Variants in MTCL1 observed in about 807,000 individuals in gnomAD.
MTCL1 encodes microtubule crosslinking factor 1, also known as microtubule cross-linking factor 1.
A neutral mutation model predicts 141.4 loss-of-function variants in MTCL1; 79 were observed. The observed-to-expected ratio is 0.56, with a 90% CI of 0.47 to 0.67. The LOEUF (loss-of-function observed/expected upper bound fraction) is 0.67. Ranked by LOEUF, MTCL1 falls within the 30% of genes least tolerant of loss-of-function variation. The pLI, the probability that MTCL1 is intolerant of heterozygous loss-of-function variation, is 0.00. For missense variants in MTCL1, 2,177 were observed against 2,113.9 expected, an observed-to-expected ratio of 1.03 and a Z score of -0.59; for synonymous variants, 914 against 875.8, an observed-to-expected ratio of 1.04 and a Z score of -0.77.
At chr18:8,780,463 C>T (rs1189802299) in intron 5 of MTCL1, among the ~76,000 whole-genome samples, 2 of 152,242 alleles carry the variant, frequency 1.3e-5, no homozygotes, top group East Asian at 3.9e-4. Context: ...GAGAGTGGGG[C>T]TGAGTTTCCT....
chr18:8,828,313 A>G lies in MTCL1; in HGVS notation c.4723-595A>G, dbSNP rs2077089047. Among the ~76,000 whole-genome samples the G allele has an allele frequency of 6.6e-6, 1 of 152,152 alleles. No individual in the cohort carries two copies. Reference sequence around the variant, plus strand: ...CCCTTTCTCACTGCACTGTCATCCCATAAGCCACTCGGGCCTCTTTTTCTC... The same window carrying G: ...CCCTTTCTCACTGCACTGTCATCCCGTAAGCCACTCGGGCCTCTTTTTCTC... On this transcript the variant is annotated intron_variant, in intron 15 of 16. Transcript: ENST00000359865. The surrounding 1 kb of genome is among the most constrained non-coding windows in gnomAD (Gnocchi z 5.2).
In MTCL1 at chr18:8,718,106, A is replaced by G. The variant is rs936073730; in HGVS notation, c.-28+144A>G. The G allele has an allele frequency of 6.0e-6, 4 of 671,864 alleles. No individual in the cohort carries two copies. In the African/African-American group the frequency reaches 7.2e-5, roughly 12 times the overall value. The allele number at this position is 671,864 out of a possible 1,614,324, so 41.6% of individuals were successfully genotyped here. A position where few individuals can be genotyped will look rare whatever the true frequency, so the allele number is the denominator to read the frequency against. ...AGGTCAATGTTTGGTTTGAATTGAA[A>G]GGTTCAATTATCTGCAGAGTTGATT... On this transcript the variant is annotated intron_variant, in intron 2 of 16. Coordinates refer to ENST00000359865, the Ensembl canonical transcript of MTCL1.
At chr18:8,710,462 T>C (rs909211497) in intron 1 of MTCL1, among the ~76,000 whole-genome samples, 4 of 88,934 alleles carry the variant, frequency 4.5e-5, no homozygotes, top group East Asian at 6.2e-4. Context: ...ACTTTCTTTT[T>C]TTTTTTTTTT....
In MTCL1 at chr18:8,798,303, G is replaced by A. The variant is rs373260762; in HGVS notation, c.2436+12G>A. 1.3e-5 allele frequency: 19 copies of A among 1,500,468 alleles called. No individual in the cohort carries two copies. The East Asian group carries it at 2.1e-4, about 16-fold the overall frequency. 92.9% of individuals were successfully genotyped at this position (1,500,468 alleles called of 1,614,324 possible). ...AGCCCCACAAACAGGTGGGTACCTCGACCCGAGCCTGTCGCCCTGCCCACA... is the reference window on the plus strand; with the variant it reads ...AGCCCCACAAACAGGTGGGTACCTCAACCCGAGCCTGTCGCCCTGCCCACA... On this transcript the variant is annotated intron_variant, in intron 10 of 16. Coordinates refer to ENST00000359865, the Ensembl canonical transcript of MTCL1.
At chr18:8,756,377 A>G (rs1313468765) in intron 4 of MTCL1, among the ~76,000 whole-genome samples, 2 of 147,112 alleles carry the variant, frequency 1.4e-5, no homozygotes, top group African/African-American at 2.7e-5. Flanking sequence ...ATGTGTATAT[A>G]TGTATATATG....
rs752731090 is a variant in MTCL1 at position 8,784,238 on chromosome 18, G to A, written c.1126G>A (p.Gly376Arg). The stretch of plus-strand genomic sequence containing the variant: ...GCGCTGCGACCTGGCAGCCCACCTG[G>A]GGCTGCGTGCCCCCAGTCCCCGGGA... Residue 376 changes from glycine to arginine, a missense_variant, in exon 6 of 17, where the codon GGG (glycine) becomes AGG (arginine). Physicochemically the swap from Gly to Arg is moderately radical, Grantham distance 125. Coordinates refer to ENST00000359865, the Ensembl canonical transcript of MTCL1. The A allele has an allele frequency of 2.5e-6, 4 of 1,608,894 alleles. No homozygotes were observed. The South Asian group carries it at 3.3e-5, about 13-fold the overall frequency.
exon 6 of MTCL1, chr18:8,784,147 C>A: frequency 6.2e-7 from 1 of 1,613,704 alleles, no homozygotes; most frequent in Admixed American, 1.7e-5. Context: ...GGCTGCAGAT[C>A]AGCGAGCTCA....
At chr18:8,758,878 T>C (rs998041532) in intron 4 of MTCL1, among the ~76,000 whole-genome samples, 1 of 152,206 alleles carries the variant, frequency 6.6e-6, no homozygotes, top group South Asian at 2.1e-4. Context: ...GGACCAAATA[T>C]ACCTATCTTG....
intron 10 of MTCL1, among the ~76,000 whole-genome samples, chr18:8,798,954 G>A (rs1030948203): frequency 4.6e-5 from 7 of 152,338 alleles, no homozygotes; most frequent in Admixed American, 2.6e-4. Flanking sequence ...TGTTAACGCT[G>A]TCTCGCTCTC....
At chr18:8,742,871 A>G (rs1473845145) in intron 4 of MTCL1, among the ~76,000 whole-genome samples, 1 of 152,250 alleles carries the variant, frequency 6.6e-6, no homozygotes, top group East Asian at 1.9e-4. Context: ...TGACACCAAT[A>G]ATATGACTAC....
chr18:8,813,779 C>A (rs372279905), intron 12 of MTCL1, among the ~76,000 whole-genome samples: 2 of 152,234 alleles, frequency 1.3e-5, no homozygotes, highest in South Asian at 4.2e-4. Context: ...TAGCTGGTAG[C>A]TCATCATCTT....
chr18:8,809,692 G>A, intron 11 of MTCL1: 1 of 1,390,550 alleles, frequency 7.2e-7, no homozygotes, highest in Non-Finnish European at 9.6e-7. Context: ...TGGAGCAACA[G>A]GCACCTCGCA....
intron 14 of MTCL1, 24 bp from the exon 14 acceptor site, chr18:8,824,675 C>A (rs1365470235): frequency 6.3e-7 from 1 of 1,583,008 alleles, no homozygotes; most frequent in Non-Finnish European, 8.6e-7. Flanking sequence ...CAGGTACTGA[C>A]ACCCTCTTTT....
chr18:8,718,069 A>C (rs1197038548), intron 2 of MTCL1: 2 of 750,996 alleles, frequency 2.7e-6, no homozygotes, highest in East Asian at 9.7e-5. Context: ...TATGCCTTAG[A>C]GATAAAGGCT....
upstream of MTCL1, among the ~76,000 whole-genome samples, chr18:8,712,507 G>A (rs895035359): frequency 3.3e-5 from 5 of 152,346 alleles, no homozygotes; most frequent in African/African-American, 1.2e-4. Flanking sequence ...GTGTCTCAGC[G>A]CCTCCTTGCT....
rs555828975 is a variant in MTCL1 at position 8,770,160 on chromosome 18, G to A, written c.358-7673G>A. Among the ~76,000 whole-genome samples, 3 of 152,194 alleles carry A rather than the reference G, an allele frequency of 2.0e-5. No homozygotes were observed. In the South Asian group the frequency reaches 6.2e-4, roughly 32 times the overall value. On this transcript the variant is annotated intron_variant, in intron 4 of 16. Transcript: ENST00000359865. ...CTGTGACCTTGAATGTAGGCTTAGG[G>A]TTGGGCCCAGGTTGGTGGCCCATCT... is the stretch of plus-strand genomic sequence containing the variant.
At chr18:8,806,704 C>T (rs1199885030) in intron 10 of MTCL1, among the ~76,000 whole-genome samples, 189 bp from the exon 10 acceptor site, 3 of 152,100 alleles carry the variant, frequency 2.0e-5, no homozygotes, top group Non-Finnish European at 2.9e-5. Context: ...CCCAGGAGAC[C>T]GATGGCCAGC....
exon 12 of MTCL1, chr18:8,813,231 C>G (rs1455807251): frequency 6.2e-7 from 1 of 1,610,270 alleles, no homozygotes; most frequent in Non-Finnish European, 8.5e-7. Context: ...GAGGATAGAG[C>G]AGGTAAGGAG....
intron 8 of MTCL1, among the ~76,000 whole-genome samples, chr18:8,794,486 T>C (rs1302863719): frequency 6.6e-6 from 1 of 152,204 alleles, no homozygotes; most frequent in Non-Finnish European, 1.5e-5. Context: ...CAGGAGGGCC[T>C]AGGCGCGGTG....
Sources: gnomAD v4.1 joint callset for allele counts (sites outside exome capture counted in the v4.1 genomes callset) on GRCh38, gnomAD v4.1.1 for gene constraint, Gnocchi (gnomAD v3.1) non-coding constraint, MANE v1.5 for transcripts, NCBI Gene and HGNC (gene_info 2026-07-23, HGNC 2026-07-21) for gene names.